EFCAB5: variants seen among roughly 807,000 people sequenced by gnomAD.
The protein encoded by EFCAB5 is EF-hand calcium-binding domain-containing protein 5.
In EFCAB5, 131 loss-of-function variants were observed where a neutral mutation model predicts 167.9. The ratio of observed to expected loss-of-function variants is 0.78; its 90% CI spans 0.68 to 0.90. The LOEUF (loss-of-function observed/expected upper bound fraction) is 0.90, where lower values mean the gene tolerates loss of function less well. Ranked by LOEUF, EFCAB5 falls within the 40% of genes least tolerant of loss-of-function variation. The probability of loss-of-function intolerance (pLI) is 0.00; values close to 1 mark genes in which losing one functional copy is unlikely to be tolerated. For synonymous variants in EFCAB5, 574 were observed against 602.8 expected, an observed-to-expected ratio of 0.95 and a Z score of 0.70; for missense variants, 1,663 against 1,745.2, an observed-to-expected ratio of 0.95 and a Z score of 0.84.
chr17:29,971,118 T>G (rs1027107762), intron 4 of EFCAB5, among the ~76,000 whole-genome samples: 1 of 152,126 alleles, frequency 6.6e-6, no homozygotes, highest in Non-Finnish European at 1.5e-5. Flanking sequence ...TCTCTTTTAT[T>G]AGATTCATTA....
chr17:29,998,060 A>G (rs142375205), intron 6 of EFCAB5, among the ~76,000 whole-genome samples: 2 of 152,298 alleles, frequency 1.3e-5, no homozygotes, highest in African/African-American at 4.8e-5. Flanking sequence ...CATTGACAAC[A>G]ATACATTGTC....
intron 3 of EFCAB5, among the ~76,000 whole-genome samples, chr17:29,957,797 A>G (rs1483660760): frequency 6.6e-6 from 1 of 152,146 alleles, no homozygotes; most frequent in East Asian, 1.9e-4. Context: ...CATATGTGTT[A>G]ATGTATCTTT....
upstream of EFCAB5, among the ~76,000 whole-genome samples, chr17:29,936,717 C>T (rs1386786963): frequency 3.3e-5 from 5 of 152,180 alleles, no homozygotes; most frequent in Non-Finnish European, 5.9e-5. Context: ...ATTTATTTCC[C>T]ATCCTCTGGT....
At chr17:30,067,481 A>G (rs1465476340) in intron 14 of EFCAB5, among the ~76,000 whole-genome samples, 2 of 152,010 alleles carry the variant, frequency 1.3e-5, no homozygotes, top group Admixed American at 1.3e-4. Context: ...ATAAGGAAAT[A>G]AAAGATCATT....
intron 3 of EFCAB5, among the ~76,000 whole-genome samples, chr17:29,945,427 T>C (rs867545738): frequency 1.3e-5 from 2 of 152,050 alleles, no homozygotes; most frequent in South Asian, 4.1e-4. Flanking sequence ...AAACCCGAAC[T>C]TGCACTTGTT....
Position 29,957,869 on chromosome 17 carries a change from G to A in EFCAB5, c.191-10922G>A, listed in dbSNP as rs530559138. Among the ~76,000 whole-genome samples, 5 of 152,228 alleles carry A rather than the reference G, an allele frequency of 3.3e-5. No individual in the cohort carries two copies. In the South Asian group the frequency reaches 8.3e-4, roughly 25 times the overall value. ...ATATACCCAGCAATGGGATTGCTGG[G>A]TCAAATGGTATTTCTGGTTCTAGAT... On this transcript the variant is annotated intron_variant, in intron 3 of 22. Coordinates refer to ENST00000394835, the MANE Select transcript of EFCAB5 (RefSeq NM_198529.4).
At chr17:30,003,346 C>T (rs2068705680) in intron 7 of EFCAB5, among the ~76,000 whole-genome samples, 1 of 152,120 alleles carries the variant, frequency 6.6e-6, no homozygotes, top group South Asian at 2.1e-4. Context: ...AGCCATCCTC[C>T]CACTTTAGCC....
chr17:30,082,927 G>T lies in EFCAB5; in HGVS notation c.3463G>T (p.Val1155Phe). The T allele has an allele frequency of 6.2e-7, 1 of 1,613,690 alleles. No homozygotes were observed. The highest frequency in any genetic ancestry group is 8.5e-7 in the Non-Finnish European group (1 of 1,179,830). Residue 1155 changes from valine (V) to phenylalanine (F), a missense_variant, in exon 18 of 23, where the codon GTC (valine) becomes TTC (phenylalanine). By Grantham distance (50) the Val-to-Phe change is conservative (BLOSUM62 -1). Transcript: ENST00000394835. The stretch of plus-strand genomic sequence containing the variant: ...TGTCTTTAGCACTGCCTATCACTAC[G>T]TCCACAGCCGGGAGCACATTCTGCA... Reference protein sequence around the residue: ...ANVFSTAYHYVHSREHILHIV... With the variant: ...ANVFSTAYHYFHSREHILHIV...
chr17:29,988,385 A>T (rs1283281186), intron 4 of EFCAB5, among the ~76,000 whole-genome samples: 5 of 152,238 alleles, frequency 3.3e-5, no homozygotes, highest in Non-Finnish European at 7.3e-5. Flanking sequence ...ATGAATAGGC[A>T]TATTAAAAGC....
chr17:29,986,728 G>C (rs2068292576), intron 4 of EFCAB5, among the ~76,000 whole-genome samples: 1 of 143,124 alleles, frequency 7.0e-6, no homozygotes, highest in Admixed American at 7.3e-5. Context: ...CTCACTGCAG[G>C]CTCCGCCCCC....
At chr17:30,076,662 ATACTT>A (rs2070874553) in intron 14 of EFCAB5, among the ~76,000 whole-genome samples, 2 of 152,372 alleles carry the variant, frequency 1.3e-5, no homozygotes, top group South Asian at 2.1e-4. Flanking sequence ...ACTTTGAACT[ATACTT>A]TAAAGGGGAA....
At chr17:30,011,188 T>C (rs950339814) in intron 7 of EFCAB5, among the ~76,000 whole-genome samples, 18 of 152,244 alleles carry the variant, frequency 1.2e-4, no homozygotes, top group African/African-American at 2.7e-4. Flanking sequence ...ACCAGTACCA[T>C]GCTGTTTTGC....
Position 29,996,378 on chromosome 17 carries a change from T to C in EFCAB5, c.973+18T>C, listed in dbSNP as rs781240177. 3 of 1,532,074 alleles carry C rather than the reference T, an allele frequency of 2.0e-6. No individual in the cohort carries two copies. Among genetic ancestry groups the C allele is most frequent in the Non-Finnish European group, 2.6e-6 (3 of 1,135,516 alleles). 94.9% of individuals were successfully genotyped at this position (1,532,074 alleles called of 1,614,324 possible). A position where few individuals can be genotyped will look rare whatever the true frequency, so the allele number is the denominator to read the frequency against. The stretch of plus-strand genomic sequence containing the variant: ...CAAGCTTGGTAAGTCTGCCTATTAC[T>C]CTGATATTTTTATTTTTATTTCTTT... On this transcript the variant is annotated intron_variant, in intron 6 of 22. Transcript: ENST00000394835.
Position 30,090,617 on chromosome 17 carries a change from G to A in EFCAB5, c.3880G>A (p.Ala1294Thr). 1 of 1,613,850 alleles carries A rather than the reference G, an allele frequency of 6.2e-7. No individual in the cohort carries two copies. Among genetic ancestry groups the A allele is most frequent in the South Asian group, 1.1e-5 (1 of 91,072 alleles). The change falls in exon 20 of 23, where the codon GCC becomes ACC. Residue 1294 changes from alanine (A) to threonine (T), a missense_variant. Physicochemically the swap from Ala to Thr is moderately conservative, Grantham distance 58 (BLOSUM62 0). Transcript: ENST00000394835. ...LQKMMKVVQVACYEILGEFSG... is the reference protein window; with the variant it reads ...LQKMMKVVQVTCYEILGEFSG... The stretch of plus-strand genomic sequence containing the variant: ...GAAAATGATGAAAGTGGTCCAAGTG[G>A]CCTGCTATGAAATACTTGGCGAGTT...
intron 12 of EFCAB5, among the ~76,000 whole-genome samples, chr17:30,056,572 T>G (rs1342160232): frequency 6.6e-6 from 1 of 152,168 alleles, no homozygotes; most frequent in Non-Finnish European, 1.5e-5. Flanking sequence ...TCTATCTTGT[T>G]TTTGAAGACT....
chr17:30,010,766 T>G (rs2151679546), intron 7 of EFCAB5, among the ~76,000 whole-genome samples: 1 of 152,368 alleles, frequency 6.6e-6, no homozygotes, highest in East Asian at 1.9e-4. Context: ...ACCTGTTCAC[T>G]TTGATGGTAG....
Position 30,087,151 on chromosome 17 carries a change from A to G in EFCAB5, c.3668A>G (p.Lys1223Arg). 5 of 1,613,696 alleles carry G rather than the reference A, an allele frequency of 3.1e-6. No individual in the cohort carries two copies. Among genetic ancestry groups the G allele is most frequent in the Non-Finnish European group, 4.2e-6 (5 of 1,179,680 alleles). The change falls in exon 19 of 23, where the codon AAG becomes AGG. Residue 1223 changes from lysine (K) to arginine (R), a missense_variant. Physicochemically the swap from Lys to Arg is conservative, Grantham distance 26 (BLOSUM62 2). Transcript: ENST00000394835. ...AAAAATCCTCCTACCATCCACAGGA[A>G]GTCATGCATCTTCAGGTTAGAGACA... ...IHKNPPTIHR[K>R]SCIFRDFLFK...
intron 3 of EFCAB5, among the ~76,000 whole-genome samples, chr17:29,966,650 C>G (rs539839316): frequency 6.6e-6 from 1 of 152,160 alleles, no homozygotes; most frequent in South Asian, 2.1e-4. Flanking sequence ...TAGTATTTGT[C>G]AGGTTTCTCT....
At chr17:29,929,964 TG>T in intron 1 of EFCAB5, 1 of 1,599,160 alleles carries the variant, frequency 6.3e-7, no homozygotes. Context: ...GAGGTGGTGC[TG>T]GGGGTAGGTG....
Sources: allele counts gnomAD v4.1 joint callset (sites outside exome capture counted in the v4.1 genomes callset), GRCh38; gene constraint gnomAD v4.1.1; transcripts MANE v1.5; gene names NCBI Gene and HGNC (gene_info 2026-07-23, HGNC 2026-07-21).